Variants in CDH12 observed in about 807,000 individuals in gnomAD.
The protein encoded by CDH12 is cadherin 12, also known as cadherin-12.
CDH12 carries 41 observed loss-of-function variants against 74.1 expected under a neutral mutation model. The ratio of observed to expected loss-of-function variants is 0.55; its 90% CI spans 0.43 to 0.72. The LOEUF is 0.72. CDH12 is among the 30% of genes least tolerant of loss of function. The pLI, the probability that CDH12 is intolerant of heterozygous loss-of-function variation, is 0.00. For synonymous variants in CDH12, 399 were observed against 355.0 expected, an observed-to-expected ratio of 1.12 and a Z score of -1.39; for missense variants, 945 against 977.2, an observed-to-expected ratio of 0.97 and a Z score of 0.44.
At chr5:22,394,823 A>G (rs1260357122) in intron 3 of CDH12, among the ~76,000 whole-genome samples, 1 of 152,162 alleles carries the variant, frequency 6.6e-6, no homozygotes, top group Non-Finnish European at 1.5e-5. Flanking sequence ...AGTCTCATGC[A>G]TATCTAAGTT....
intron 1 of CDH12, among the ~76,000 whole-genome samples, chr5:22,777,384 AT>A (rs2126333804): frequency 6.6e-6 from 1 of 152,154 alleles, no homozygotes; most frequent in South Asian, 2.1e-4. Context: ...GATAGACATA[AT>A]TTTTCTCATA....
intron 1 of CDH12, among the ~76,000 whole-genome samples, chr5:22,798,737 A>G (rs927348976): frequency 6.6e-6 from 1 of 152,096 alleles, no homozygotes; most frequent in African/African-American, 2.4e-5. Flanking sequence ...AATAATGGAA[A>G]CCCTTTATCA....
At chr5:22,147,429 AT>A (rs1406285072) in intron 4 of CDH12, among the ~76,000 whole-genome samples, 1 of 152,162 alleles carries the variant, frequency 6.6e-6, no homozygotes, top group Non-Finnish European at 1.5e-5. Flanking sequence ...ATAAAGAACA[AT>A]TGGAATCCAC....
At chr5:22,052,624 G>T (rs558108463) in intron 5 of CDH12, among the ~76,000 whole-genome samples, 2 of 152,092 alleles carry the variant, frequency 1.3e-5, no homozygotes, top group Non-Finnish European at 2.9e-5. Flanking sequence ...TGCAAGATTT[G>T]TTTTTCCTTA....
intron 5 of CDH12, among the ~76,000 whole-genome samples, chr5:22,014,077 A>T (rs547930587): frequency 1.3e-5 from 2 of 152,174 alleles, no homozygotes; most frequent in African/African-American, 4.8e-5. Context: ...AAATGCAAAA[A>T]TTAGCCAAGT....
intron 5 of CDH12, among the ~76,000 whole-genome samples, chr5:22,017,987 G>A (rs1477149750): frequency 1.3e-5 from 2 of 151,998 alleles, no homozygotes; most frequent in Non-Finnish European, 1.5e-5. Context: ...TCAAACTCCC[G>A]ACCTCAGGTG....
chr5:22,758,536 G>GT (rs796728010), intron 1 of CDH12, among the ~76,000 whole-genome samples: 2,718 of 143,756 alleles, frequency 0.019, 26 homozygotes, highest in Non-Finnish European at 0.027. Flanking sequence ...TTGATTTATA[G>GT]TTTTTTTTTT....
At chr5:22,492,438 C>T (rs992187378) in intron 2 of CDH12, among the ~76,000 whole-genome samples, 1 of 151,708 alleles carries the variant, frequency 6.6e-6, no homozygotes, top group Admixed American at 6.6e-5. Flanking sequence ...ACCTCTGCCA[C>T]CCGGGGTCAA....
At chr5:21,817,942 T>G (rs1313327206) in intron 8 of CDH12, among the ~76,000 whole-genome samples, 4 of 151,962 alleles carry the variant, frequency 2.6e-5, no homozygotes, top group Non-Finnish European at 5.9e-5. Flanking sequence ...ATTGTAATAC[T>G]CTACAAAAAA....
intron 3 of CDH12, among the ~76,000 whole-genome samples, chr5:22,262,621 G>T (rs1753560848): frequency 6.6e-6 from 1 of 150,922 alleles, no homozygotes; most frequent in African/African-American, 2.4e-5. Flanking sequence ...AGTCATTTGG[G>T]TATATACCCA....
intron 1 of CDH12, among the ~76,000 whole-genome samples, chr5:22,764,053 G>A (rs1217115483): frequency 8.1e-6 from 1 of 123,420 alleles, no homozygotes; most frequent in African/African-American, 2.9e-5. Flanking sequence ...ACCAGTGAAA[G>A]TTTAGTGTGT....
intron 6 of CDH12, among the ~76,000 whole-genome samples, chr5:21,873,223 C>A (rs1314104016): frequency 6.6e-6 from 1 of 152,122 alleles, no homozygotes; most frequent in Non-Finnish European, 1.5e-5. Context: ...CTCCATTATA[C>A]CTCCATGTAC....
At chr5:21,771,140 T>C (rs1745302476) in intron 11 of CDH12, among the ~76,000 whole-genome samples, 1 of 152,000 alleles carries the variant, frequency 6.6e-6, no homozygotes, top group Admixed American at 6.6e-5. Context: ...ACTCCCATGA[T>C]ATGCAACTTA....
chr5:22,123,483 T>C (rs948299125), intron 4 of CDH12, among the ~76,000 whole-genome samples: 1 of 152,190 alleles, frequency 6.6e-6, no homozygotes, highest in Non-Finnish European at 1.5e-5. Flanking sequence ...AGATGACAAA[T>C]CCAAAGTTTA....
At chr5:22,651,701 G>GT (rs35910624) in intron 1 of CDH12, among the ~76,000 whole-genome samples, 23,694 of 144,154 alleles carry the variant, frequency 0.16, 2,253 homozygotes, top group Admixed American at 0.33. Context: ...TAGGATGGTG[G>GT]TTTTTTTTTT....
chr5:22,072,787 C>A (rs113482111), intron 5 of CDH12, among the ~76,000 whole-genome samples: 1 of 151,866 alleles, frequency 6.6e-6, no homozygotes, highest in Admixed American at 6.6e-5. Flanking sequence ...GTTCAATTCC[C>A]ACCTATTATT....
chr5:22,031,427 T>C (rs1371740007), intron 5 of CDH12, among the ~76,000 whole-genome samples: 1 of 152,212 alleles, frequency 6.6e-6, no homozygotes, highest in Non-Finnish European at 1.5e-5. Context: ...ATATCAGCAA[T>C]AAGACTGTTT....
At chr5:22,585,060 C>A (rs1325507332) in intron 1 of CDH12, among the ~76,000 whole-genome samples, 1 of 152,188 alleles carries the variant, frequency 6.6e-6, no homozygotes, top group African/African-American at 2.4e-5. Flanking sequence ...CTCTCCTATT[C>A]AGTATAATTT....
chr5:21,926,814 T>C (rs949243113), intron 6 of CDH12, among the ~76,000 whole-genome samples: 1 of 152,152 alleles, frequency 6.6e-6, no homozygotes, highest in Non-Finnish European at 1.5e-5. Context: ...TAGAACTGTG[T>C]ACAACAATAG....
Sources: allele counts gnomAD v4.1 joint callset (sites outside exome capture counted in the v4.1 genomes callset), GRCh38; gene constraint gnomAD v4.1.1; transcripts MANE v1.5; gene names NCBI Gene and HGNC (gene_info 2026-07-23, HGNC 2026-07-21).